SLCO1B1: variants seen among roughly 807,000 people sequenced by gnomAD.
SLCO1B1 encodes solute carrier organic anion transporter family member 1B1.
SLCO1B1 carries 81 observed loss-of-function variants against 70.1 expected under a neutral mutation model. The observed-to-expected ratio is 1.16, with a 90% CI of 0.97 to 1.39. SLCO1B1 has a LOEUF of 1.39. SLCO1B1 is among the 40% of genes most tolerant of loss of function. The probability of loss-of-function intolerance (pLI) is 0.00; values close to 1 mark genes in which losing one functional copy is unlikely to be tolerated. For synonymous variants in SLCO1B1, 283 were observed against 271.5 expected (o/e 1.04, Z -0.42); for missense variants, 895 against 799.6 (o/e 1.12, Z -1.44).
At chr12:21,208,842 C>A (rs1941244449) in intron 11 of SLCO1B1, among the ~76,000 whole-genome samples, 1 of 151,896 alleles carries the variant, frequency 6.6e-6, no homozygotes, top group African/African-American at 2.4e-5. Context: ...TCTTTCACTT[C>A]CTTGGTTTAA....
chr12:21,219,132 CAAAT>C (rs1020139758), intron 12 of SLCO1B1, among the ~76,000 whole-genome samples: 2 of 151,834 alleles, frequency 1.3e-5, no homozygotes, highest in African/African-American at 4.8e-5. Flanking sequence ...ACACAGTAAA[CAAAT>C]AAGTGAGTAA....
At chr12:21,160,780 T>A (rs865814317) in intron 2 of SLCO1B1, among the ~76,000 whole-genome samples, 2 of 152,154 alleles carry the variant, frequency 1.3e-5, no homozygotes, top group African/African-American at 4.8e-5. Context: ...AAAGGTCTAA[T>A]ATCCAGCATC....
chr12:21,157,804 G>A (rs1940561870), intron 2 of SLCO1B1, among the ~76,000 whole-genome samples: 1 of 151,958 alleles, frequency 6.6e-6, no homozygotes, highest in African/African-American at 2.4e-5. Context: ...GTTTCATCAT[G>A]TTAGCCAGGA....
At chr12:21,170,019 T>C (rs1407096297) in intron 2 of SLCO1B1, among the ~76,000 whole-genome samples, 1 of 152,158 alleles carries the variant, frequency 6.6e-6, no homozygotes, top group East Asian at 1.9e-4. Flanking sequence ...GACCCTCCCC[T>C]GGGGCTTGAG....
chr12:21,172,818 C>A (rs749181654), intron 3 of SLCO1B1, 27 bp downstream of exon 3: 1 of 1,598,924 alleles, frequency 6.3e-7, no homozygotes, highest in Non-Finnish European at 8.5e-7. Context: ...ATTTTAATAA[C>A]CAAACTTGCA....
chr12:21,185,222 T>C, intron 7 of SLCO1B1, among the ~76,000 whole-genome samples: 1 of 151,990 alleles, frequency 6.6e-6, no homozygotes, highest in Non-Finnish European at 1.5e-5. Context: ...AATTAAAATG[T>C]AAATTTTGGA....
At chr12:21,231,575 A>T (rs1335178306) in intron 14 of SLCO1B1, among the ~76,000 whole-genome samples, 1 of 152,084 alleles carries the variant, frequency 6.6e-6, no homozygotes, top group Non-Finnish European at 1.5e-5. Context: ...AAATAAATAA[A>T]TAAAAACTTC....
intron 7 of SLCO1B1, among the ~76,000 whole-genome samples, chr12:21,185,404 A>G (rs995095420): frequency 1.3e-5 from 2 of 152,128 alleles, no homozygotes; most frequent in African/African-American, 2.4e-5. Context: ...TTTTGAGTAC[A>G]TTCTTGAACA....
At chr12:21,234,742 C>T (rs1323291862) in intron 14 of SLCO1B1, among the ~76,000 whole-genome samples, 2 of 152,118 alleles carry the variant, frequency 1.3e-5, no homozygotes, top group South Asian at 2.1e-4. Context: ...TACTTTGTCT[C>T]GATTTTCATT....
chr12:21,167,311 A>G (rs2121088923), intron 2 of SLCO1B1, among the ~76,000 whole-genome samples: 1 of 152,336 alleles, frequency 6.6e-6, no homozygotes, highest in East Asian at 1.9e-4. Context: ...CTGAGTATAA[A>G]AGAACCTAAA....
At position 21,172,777 on chromosome 12, in the gene SLCO1B1, G is replaced by A. The variant is rs540723056; in HGVS notation, c.212G>A (p.Gly71Glu). 1.7e-5 allele frequency: 28 copies of A among 1,613,068 alleles called. No individual in the cohort carries two copies. In the South Asian group the frequency reaches 3.0e-4, roughly 17 times the overall value. The change falls in exon 3 of 15, where the codon GGA (glycine) becomes GAA (glutamate). Residue 71 changes from glycine to glutamate, a missense_variant. Transcript: ENST00000256958. ...TCTTCTCTTGTTGGTTTTATTGACGGAAGCTTTGAAATTGGTAACATTTAT... is the reference window on the plus strand; with the variant it reads ...TCTTCTCTTGTTGGTTTTATTGACGAAAGCTTTGAAATTGGTAACATTTAT... ...ISSSLVGFID[G>E]SFEIGNLLVI...
At chr12:21,231,256 C>T (rs1423285869) in intron 14 of SLCO1B1, among the ~76,000 whole-genome samples, 1 of 152,048 alleles carries the variant, frequency 6.6e-6, no homozygotes, top group Non-Finnish European at 1.5e-5. Flanking sequence ...CAAGTCTTTG[C>T]TATTGTGAAT....
chr12:21,225,723 C>CA (rs201102367), intron 14 of SLCO1B1, among the ~76,000 whole-genome samples: 386 of 152,054 alleles, frequency 2.5e-3, no homozygotes, highest in African/African-American at 8.5e-3. Context: ...TAAACATCAG[C>CA]AAAAAAACCA....
chr12:21,198,709 A>G (rs1249309690), intron 8 of SLCO1B1, among the ~76,000 whole-genome samples: 1 of 152,144 alleles, frequency 6.6e-6, no homozygotes, highest in Non-Finnish European at 1.5e-5. Flanking sequence ...ATTAGAATGA[A>G]AAGATGATTT....
rs1182558109 is a variant in SLCO1B1 at position 21,140,035 on chromosome 12, A to T, written c.-61-1479A>T. ...AATGAATCAATAGTATGTATTAAAT[A>T]AAGTGTCTTTAAACAAAACATACAT... On this transcript the variant is annotated intron_variant, in intron 1 of 14. Coordinates refer to ENST00000256958, the MANE Select transcript of SLCO1B1 (RefSeq NM_006446.5). Among the ~76,000 whole-genome samples, 3 of 152,136 alleles carry T rather than the reference A, an allele frequency of 2.0e-5. No individual in the cohort carries two copies. In the East Asian group the frequency reaches 5.8e-4, roughly 29 times the overall value.
rs556656046 is a variant in SLCO1B1 at position 21,208,825 on chromosome 12, G to A, written c.1497+2792G>A. On this transcript the variant is annotated intron_variant, in intron 11 of 14. Transcript: ENST00000256958. The stretch of plus-strand genomic sequence containing the variant: ...TTCATCAGGGTTTGTATTTATCCTA[G>A]TAGAGATCTTTCACTTCCTTGGTTT... 6.6e-5 allele frequency among the ~76,000 whole-genome samples: 10 copies of A among 151,996 alleles called. No homozygotes were observed. In the East Asian group the frequency reaches 1.7e-3, roughly 26 times the overall value.
rs772744704 is a variant in SLCO1B1 at position 21,224,866 on chromosome 12, AT to A, written c.1865+33del. 4.0e-6 allele frequency: 5 copies of A among 1,247,832 alleles called. No individual in the cohort carries two copies. In the Admixed American group the frequency reaches 6.9e-5, roughly 17 times the overall value. 77.3% of individuals were successfully genotyped at this position (1,247,832 alleles called of 1,614,324 possible). A position where few individuals can be genotyped will look rare whatever the true frequency, so the allele number is the denominator to read the frequency against. On this transcript the variant is annotated intron_variant, in intron 14 of 14. Coordinates refer to ENST00000256958, the MANE Select transcript of SLCO1B1 (RefSeq NM_006446.5). ...TAAGTTGTCATAAATATATTTCATT[AT>A]TTTTTCTTTGACTATATTAATTCCT...
intron 14 of SLCO1B1, among the ~76,000 whole-genome samples, chr12:21,230,636 AG>A (rs1161768774): frequency 2.0e-5 from 3 of 151,890 alleles, no homozygotes; most frequent in Non-Finnish European, 4.4e-5. Flanking sequence ...AGCCCTCTGT[AG>A]TATTCTTTTC....
At chr12:21,225,580 A>C (rs1291309753) in intron 14 of SLCO1B1, among the ~76,000 whole-genome samples, 1 of 152,238 alleles carries the variant, frequency 6.6e-6, no homozygotes, top group Non-Finnish European at 1.5e-5. Context: ...ATAGAAAAAA[A>C]GACAAAATAT....
Sources: allele counts gnomAD v4.1 joint callset (sites outside exome capture counted in the v4.1 genomes callset), GRCh38; gene constraint gnomAD v4.1.1; transcripts MANE v1.5; gene names NCBI Gene and HGNC (gene_info 2026-07-23, HGNC 2026-07-21).